The following COL27A1 variants were observed in gnomAD, a reference collection of about 807,000 sequenced individuals.
The protein encoded by COL27A1 is collagen type XXVII alpha 1 chain.
Under a neutral mutation model 251.3 loss-of-function variants are expected in COL27A1, and 106 were observed. The observed-to-expected ratio is 0.42, with a 90% CI of 0.36 to 0.50. The LOEUF is 0.50. Among genes scored for constraint, COL27A1 ranks in the 20% least tolerant of loss-of-function variants. The probability of loss-of-function intolerance (pLI) is 0.00; values close to 1 mark genes in which losing one functional copy is unlikely to be tolerated. For missense variants in COL27A1, 2,325 were observed against 2,522.8 expected, an observed-to-expected ratio of 0.92 and a Z score of 1.68; for synonymous variants, 1,000 against 986.3, an observed-to-expected ratio of 1.01 and a Z score of -0.26.
At chr9:114,304,804 C>T in intron 57 of COL27A1, 131 bp downstream of exon 57, 2 of 740,278 alleles carry the variant, frequency 2.7e-6, no homozygotes, top group Non-Finnish European at 2.3e-6. Flanking sequence ...TTGGTGGCAT[C>T]TCGCATCCAC....
intron 3 of COL27A1, among the ~76,000 whole-genome samples, chr9:114,172,910 T>C (rs1328760864): frequency 1.3e-5 from 2 of 152,230 alleles, no homozygotes; most frequent in African/African-American, 4.8e-5. Context: ...AAATAGGGTG[T>C]TGGGACAGCT....
intron 1 of COL27A1, among the ~76,000 whole-genome samples, chr9:114,160,468 T>C (rs962507503): frequency 6.6e-6 from 1 of 152,078 alleles, no homozygotes; most frequent in African/African-American, 2.4e-5. Flanking sequence ...TTTTAAAGTC[T>C]AGAGTCCTGT....
intron 5 of COL27A1, among the ~76,000 whole-genome samples, chr9:114,189,702 A>G (rs1828617879): frequency 6.6e-6 from 1 of 152,150 alleles, no homozygotes; most frequent in Non-Finnish European, 1.5e-5. Context: ...AGCCCTGCAC[A>G]TTTCTTATTA....
At chr9:114,240,556 G>A (rs1832690889) in intron 21 of COL27A1, 69 bp downstream of exon 21, 2 of 1,451,736 alleles carry the variant, frequency 1.4e-6, no homozygotes, top group South Asian at 2.4e-5. Flanking sequence ...CCCTGTCCTG[G>A]GTACTGAAGG....
chr9:114,263,220 A>AGCCACTGTGCCCAGCCTTCC (rs1449460513), intron 28 of COL27A1, among the ~76,000 whole-genome samples: 2 of 152,110 alleles, frequency 1.3e-5, no homozygotes, highest in Admixed American at 6.5e-5. Flanking sequence ...TACAGGCGTG[A>AGCCACTGTGCCCAGCCTTCC]GCCACTGTGC....
At position 114,265,405 on chromosome 9, in the gene COL27A1, T is replaced by C. The variant is rs1207797806; in HGVS notation, c.3340-17T>C. 1 of 1,613,338 alleles carries C rather than the reference T, an allele frequency of 6.2e-7. No homozygotes were observed. Among genetic ancestry groups the C allele is most frequent in the Non-Finnish European group, 8.5e-7 (1 of 1,179,676 alleles). On this transcript the variant is annotated splice_polypyrimidine_tract_variant and intron_variant, in intron 31 of 60. Transcript: ENST00000356083. ...GGCCATGGAGGGCCTAAGGTCACCT[T>C]TACCTTGTCTCTGCAGGGCATCCCG...
At chr9:114,300,551 G>T in intron 50 of COL27A1, 74 bp from the exon 51 acceptor site, 1 of 1,257,280 alleles carries the variant, frequency 8.0e-7, no homozygotes, top group South Asian at 1.5e-5. Context: ...ACAGACCCCA[G>T]GGGTGAGGGA....
chr9:114,161,136 C>T (rs1396148996), intron 1 of COL27A1, among the ~76,000 whole-genome samples: 1 of 151,372 alleles, frequency 6.6e-6, no homozygotes, highest in East Asian at 1.9e-4. Flanking sequence ...TTCTGCTATC[C>T]TCACGTGCTC....
At chr9:114,154,980 T>C (rs1484332512), upstream of COL27A1, among the ~76,000 whole-genome samples, 6 of 151,820 alleles carry the variant, frequency 4.0e-5, no homozygotes. The surrounding 1 kb of genome is among the most constrained non-coding windows in gnomAD (Gnocchi z 5.8). Flanking sequence ...GGTGCGTGGT[T>C]AGTGGTGGTG....
chr9:114,202,163 G>A (rs1322120709), intron 7 of COL27A1, among the ~76,000 whole-genome samples: 3 of 152,212 alleles, frequency 2.0e-5, no homozygotes, highest in Admixed American at 6.5e-5. Context: ...CTGAGTAAAA[G>A]GGTTTACTTG....
rs1832596708 is a variant in COL27A1, at chr9:114,239,226, A to C, written c.2728-994A>C. On this transcript the variant is annotated intron_variant, in intron 19 of 60. Coordinates refer to ENST00000356083, the MANE Select transcript of COL27A1 (RefSeq NM_032888.4). ...ATCAGTGGGTTATATGCAAGTGAGC[A>C]TCAGGATTTGCTCAGCATCCCGACT... 2.6e-5 allele frequency among the ~76,000 whole-genome samples: 4 copies of C among 152,252 alleles called. No homozygotes were observed. The South Asian group carries it at 8.3e-4, about 32-fold the overall frequency.
At chr9:114,201,660 T>C (rs930792954) in intron 7 of COL27A1, among the ~76,000 whole-genome samples, 1 of 152,216 alleles carries the variant, frequency 6.6e-6, no homozygotes, top group African/African-American at 2.4e-5. Flanking sequence ...TTCCCCTCTC[T>C]GAGCTTCAGT....
chr9:114,205,702 G>T, intron 8 of COL27A1, 57 bp from the exon 9 acceptor site: 1 of 1,513,420 alleles, frequency 6.6e-7, no homozygotes, highest in Non-Finnish European at 9.2e-7. Flanking sequence ...GGGTCCCCCA[G>T]ACCCAGAGCT....
intron 1 of COL27A1, among the ~76,000 whole-genome samples, chr9:114,161,668 G>A (rs1848501408): frequency 6.6e-6 from 1 of 152,230 alleles, no homozygotes; most frequent in African/African-American, 2.4e-5. Flanking sequence ...ACCTGACACA[G>A]CTCTCTTGCC....
chr9:114,290,413 G>C lies in COL27A1; in HGVS notation c.4368+82G>C. 1 of 1,274,768 alleles carries C rather than the reference G, an allele frequency of 7.8e-7. No homozygotes were observed. The highest frequency in any genetic ancestry group is 1.3e-5 in the South Asian group (1 of 78,428). 79.0% of individuals were successfully genotyped at this position (1,274,768 alleles called of 1,614,324 possible). On this transcript the variant is annotated intron_variant, in intron 47 of 60. Transcript: ENST00000356083. This position sits in a 1 kb window ranked among gnomAD's most constrained non-coding sequence, Gnocchi z 4.6. ...AACTTCCCCAGGCCATGGGCCAGAGGAGCCCGTTTGGAAACTTGGATGGGC... is the reference window on the plus strand; with the variant it reads ...AACTTCCCCAGGCCATGGGCCAGAGCAGCCCGTTTGGAAACTTGGATGGGC...
chr9:114,166,032 T>C (rs1848822975), intron 2 of COL27A1, among the ~76,000 whole-genome samples: 2 of 150,670 alleles, frequency 1.3e-5, no homozygotes. Context: ...CACCAATTCA[T>C]CTACCTGTCC....
intron 3 of COL27A1, among the ~76,000 whole-genome samples, chr9:114,174,389 A>G (rs1849539801): frequency 6.6e-6 from 1 of 152,130 alleles, no homozygotes; most frequent in Admixed American, 6.5e-5. Context: ...AGAACCCAAT[A>G]AGAGTTAAAA....
At position 114,309,455 on chromosome 9, in the gene COL27A1, G is replaced by A. The variant is rs758079877; in HGVS notation, c.5413G>A (p.Glu1805Lys). 26 of 1,613,702 alleles carry A rather than the reference G, an allele frequency of 1.6e-5. No homozygotes were observed. Among genetic ancestry groups the A allele is most frequent in the Middle Eastern group, 1.6e-4 (1 of 6,084 alleles). Residue 1805 changes from glutamate to lysine, a missense_variant, in exon 60 of 61, where the codon GAG becomes AAG. Glu to Lys is a moderately conservative substitution (Grantham distance 56). Transcript: ENST00000356083. The stretch of plus-strand genomic sequence containing the variant: ...TGAAGCTGGGGGTCAGTTCCGGCCC[G>A]AGGTGTCCATGGATGGCTGCAAGGT... ...IFEAGGQFRP[E>K]VSMDGCKVQD...
chr9:114,304,540 G>T, intron 56 of COL27A1, 68 bp from the exon 57 acceptor site: 1 of 1,450,762 alleles, frequency 6.9e-7, no homozygotes, highest in Non-Finnish European at 9.7e-7. Flanking sequence ...TGGCCCTGGG[G>T]CTCCCACTTG....
Sources: allele counts gnomAD v4.1 joint callset (sites outside exome capture counted in the v4.1 genomes callset), GRCh38; gene constraint gnomAD v4.1.1; non-coding constraint Gnocchi (gnomAD v3.1); transcripts MANE v1.5; gene names NCBI Gene and HGNC (gene_info 2026-07-23, HGNC 2026-07-21).